Variants in OXR1 observed in about 807,000 individuals in gnomAD.
OXR1 encodes the protein oxidation resistance 1.
OXR1 carries 41 observed loss-of-function variants against 104.6 expected under a neutral mutation model. That is an observed-to-expected ratio of 0.39 (90% CI 0.31 to 0.51). The LOEUF (loss-of-function observed/expected upper bound fraction) is 0.51. OXR1 is among the 20% of genes least tolerant of loss of function. The probability of loss-of-function intolerance (pLI) is 0.77; values close to 1 mark genes in which losing one functional copy is unlikely to be tolerated. For synonymous variants in OXR1, 348 were observed against 348.4 expected, an observed-to-expected ratio of 1.00 and a Z score of 0.01; for missense variants, 955 against 1,031.9, an observed-to-expected ratio of 0.93 and a Z score of 1.02.
At chr8:106,700,705 G>T (rs1217644989) in intron 7 of OXR1, among the ~76,000 whole-genome samples, 2 of 152,142 alleles carry the variant, frequency 1.3e-5, no homozygotes, top group South Asian at 2.1e-4. Context: ...GTATACTGAG[G>T]CTTTTCTGTC....
chr8:106,326,575 G>A (rs924219699), intron 1 of OXR1, among the ~76,000 whole-genome samples: 68 of 152,126 alleles, frequency 4.5e-4, no homozygotes, highest in Non-Finnish European at 1.6e-4. Context: ...TTTGCCGCAG[G>A]GCAATTTTAA....
chr8:106,534,772 A>T (rs749000324), intron 3 of OXR1, among the ~76,000 whole-genome samples: 2 of 152,248 alleles, frequency 1.3e-5, no homozygotes, highest in Non-Finnish European at 2.9e-5. Flanking sequence ...CTTAGTACTG[A>T]ATCTGACTAG....
chr8:106,713,770 T>A (rs1006139575), intron 10 of OXR1, 53 bp from the exon 11 acceptor site: 5 of 1,051,062 alleles, frequency 4.8e-6, no homozygotes, highest in East Asian at 2.9e-5. Flanking sequence ...TATAATTTTT[T>A]AATTCTGGCA....
chr8:106,460,689 G>A (rs1820858966), intron 2 of OXR1, among the ~76,000 whole-genome samples: 1 of 152,060 alleles, frequency 6.6e-6, no homozygotes. Context: ...AAAATTCTGG[G>A]CATGTTCTCC....
intron 2 of OXR1, among the ~76,000 whole-genome samples, chr8:106,493,471 C>T (rs987646): frequency 0.11 from 16,221 of 152,022 alleles, 941 homozygotes; most frequent in African/African-American, 0.14. Context: ...ATTTAAAATG[C>T]ACTCCCACCA....
chr8:106,470,364 A>G (rs1009288567), intron 2 of OXR1, among the ~76,000 whole-genome samples: 3 of 151,846 alleles, frequency 2.0e-5, no homozygotes, highest in Non-Finnish European at 4.4e-5. Context: ...TGTAGAGCTA[A>G]GTTTTGGTGG....
At chr8:106,532,268 AGAG>A (rs1389406871) in intron 3 of OXR1, among the ~76,000 whole-genome samples, 10 of 152,236 alleles carry the variant, frequency 6.6e-5, no homozygotes, top group Admixed American at 2.0e-4. Context: ...GTGCCTACAA[AGAG>A]AAGAATCTTT....
intron 2 of OXR1, among the ~76,000 whole-genome samples, chr8:106,484,979 T>A (rs970341319): frequency 1.6e-4 from 25 of 151,870 alleles, no homozygotes; most frequent in South Asian, 6.2e-4. Flanking sequence ...AGCCAAACAA[T>A]GGAATATTAC....
At chr8:106,553,175 G>C (rs1400104226) in intron 3 of OXR1, among the ~76,000 whole-genome samples, 1 of 151,302 alleles carries the variant, frequency 6.6e-6, no homozygotes, top group Admixed American at 6.6e-5. Flanking sequence ...TGCACATTGT[G>C]CACATGTACC....
At chr8:106,396,257 G>C (rs1390521777) in intron 2 of OXR1, among the ~76,000 whole-genome samples, 1 of 151,988 alleles carries the variant, frequency 6.6e-6, no homozygotes, top group African/African-American at 2.4e-5. Flanking sequence ...CCAAAGAATA[G>C]TGTTTGGAAA....
intron 2 of OXR1, among the ~76,000 whole-genome samples, chr8:106,431,263 T>G (rs1017821024): frequency 1.3e-5 from 2 of 152,074 alleles, no homozygotes; most frequent in African/African-American, 4.8e-5. Context: ...TGAGATTTAA[T>G]GATGATAATG....
At chr8:106,354,569 G>A (rs1331353366) in intron 1 of OXR1, among the ~76,000 whole-genome samples, 1 of 152,094 alleles carries the variant, frequency 6.6e-6, no homozygotes, top group Non-Finnish European at 1.5e-5. Flanking sequence ...TGCAGGCAAG[G>A]CAATGTCATT....
chr8:106,633,357 G>A (rs545651893), intron 3 of OXR1, among the ~76,000 whole-genome samples: 106 of 152,008 alleles, frequency 7.0e-4, no homozygotes, highest in Non-Finnish European at 1.2e-3. Context: ...TTATATGGCC[G>A]TCTTACAAAT....
intron 3 of OXR1, among the ~76,000 whole-genome samples, chr8:106,589,492 T>G (rs1456168667): frequency 6.6e-6 from 1 of 152,110 alleles, no homozygotes; most frequent in Non-Finnish European, 1.5e-5. Context: ...GCAGGAGTCT[T>G]AGGGAGCCTT....
At chr8:106,392,109 ACT>A (rs1817605892) in intron 2 of OXR1, among the ~76,000 whole-genome samples, 1 of 152,144 alleles carries the variant, frequency 6.6e-6, no homozygotes, top group Non-Finnish European at 1.5e-5. Flanking sequence ...TGCTCTTGGT[ACT>A]CTCTGCTGGC....
At chr8:106,544,581 TTGAC>T (rs1293118902) in intron 3 of OXR1, among the ~76,000 whole-genome samples, 1 of 152,212 alleles carries the variant, frequency 6.6e-6, no homozygotes, top group African/African-American at 2.4e-5. Context: ...TTCATTCTTT[TTGAC>T]TGACATAGCA....
At chr8:106,363,437 T>G (rs896110376) in intron 2 of OXR1, among the ~76,000 whole-genome samples, 2 of 152,150 alleles carry the variant, frequency 1.3e-5, no homozygotes, top group Non-Finnish European at 2.9e-5. Context: ...ATAAACTAAT[T>G]GCAAATGGTC....
chr8:106,669,497 G>GT (rs939589288), intron 3 of OXR1, among the ~76,000 whole-genome samples: 2 of 151,698 alleles, frequency 1.3e-5, no homozygotes, highest in Non-Finnish European at 2.9e-5. Context: ...GAAAATACAG[G>GT]TTTTTTTCCC....
intron 7 of OXR1, among the ~76,000 whole-genome samples, chr8:106,693,227 T>C (rs1372772859): frequency 6.6e-6 from 1 of 152,106 alleles, no homozygotes; most frequent in Non-Finnish European, 1.5e-5. Context: ...GGAAGATATC[T>C]AGTATTTATT....
Sources: allele counts gnomAD v4.1 joint callset (sites outside exome capture counted in the v4.1 genomes callset), GRCh38; gene constraint gnomAD v4.1.1; transcripts MANE v1.5; gene names NCBI Gene and HGNC (gene_info 2026-07-23, HGNC 2026-07-21).